The following RANBP2 variants were observed in gnomAD, a reference collection of about 807,000 sequenced individuals.
RANBP2 encodes the protein E3 SUMO-protein ligase RanBP2.
A neutral mutation model predicts 303.6 loss-of-function variants in RANBP2; 57 were observed. The ratio of observed to expected loss-of-function variants is 0.19; its 90% confidence interval spans 0.15 to 0.23. The LOEUF is 0.23. Among genes scored for constraint, RANBP2 ranks in the 10% least tolerant of loss-of-function variants. RANBP2 has a pLI of 1.00. For missense variants in RANBP2, 3,138 were observed against 3,780.8 expected, an observed-to-expected ratio of 0.83 and a Z score of 4.46; for synonymous variants, 1,167 against 1,301.5, an observed-to-expected ratio of 0.90 and a Z score of 2.23.
the RANBP2 span, among the ~76,000 whole-genome samples, chr2:109,517,189 T>C: frequency 0.087 from 12,914 of 148,928 alleles, 1,031 homozygotes; most frequent in East Asian, 0.24. Flanking sequence ...TACACAGAGG[T>C]CCCGCCCAGC....
chr2:109,163,212 G>A, the RANBP2 span, among the ~76,000 whole-genome samples: 1 of 152,138 alleles, frequency 6.6e-6, no homozygotes, highest in Non-Finnish European at 1.5e-5. Context: ...GGCAGCTTTG[G>A]CACAAGCCCA....
chr2:109,219,634 A>G, the RANBP2 span, among the ~76,000 whole-genome samples: 2 of 152,244 alleles, frequency 1.3e-5, no homozygotes, highest in African/African-American at 4.8e-5. Flanking sequence ...CTCACAGTTC[A>G]GTTGTATTTC....
intron 1 of RANBP2, among the ~76,000 whole-genome samples, chr2:108,728,498 C>T (rs542431651): frequency 6.6e-6 from 1 of 152,048 alleles, no homozygotes; most frequent in East Asian, 1.9e-4. Flanking sequence ...TTGTGTTGCA[C>T]AGGCTGGTTT....
chr2:109,096,451 G>T, the RANBP2 span, among the ~76,000 whole-genome samples: 3 of 152,182 alleles, frequency 2.0e-5, no homozygotes, highest in Admixed American at 6.5e-5. Context: ...GACTGTGGCT[G>T]CCCTAAAATG....
At chr2:109,465,542 C>G in the RANBP2 span, among the ~76,000 whole-genome samples, 2 of 152,198 alleles carry the variant, frequency 1.3e-5, no homozygotes, top group African/African-American at 2.4e-5. Flanking sequence ...GTAGTGGTCT[C>G]TCATTGTTAT....
the RANBP2 span, among the ~76,000 whole-genome samples, chr2:109,069,939 C>T: frequency 6.6e-6 from 1 of 152,302 alleles, no homozygotes; most frequent in Admixed American, 6.5e-5. Context: ...CAGGAATAAG[C>T]AGTGTACTTT....
chr2:109,259,604 G>A, the RANBP2 span, among the ~76,000 whole-genome samples: 1 of 152,228 alleles, frequency 6.6e-6, no homozygotes, highest in South Asian at 2.1e-4. Flanking sequence ...TGTTTGGGCG[G>A]CATGTTATTT....
At chr2:109,720,012 G>A in the RANBP2 span, among the ~76,000 whole-genome samples, 4 of 152,088 alleles carry the variant, frequency 2.6e-5, no homozygotes, top group East Asian at 1.9e-4. Context: ...ACTCGTGATC[G>A]GCTGCACCTG....
the RANBP2 span, among the ~76,000 whole-genome samples, chr2:109,116,476 C>T: frequency 6.6e-6 from 1 of 152,242 alleles, no homozygotes; most frequent in Non-Finnish European, 1.5e-5. Context: ...TGGCTTTCAG[C>T]TCCATCAGCT....
At chr2:109,162,196 A>G in the RANBP2 span, among the ~76,000 whole-genome samples, 1 of 152,152 alleles carries the variant, frequency 6.6e-6, no homozygotes, top group Non-Finnish European at 1.5e-5. Flanking sequence ...CATGGACCTT[A>G]CTTTATGTGT....
chr2:109,722,858 C>T, the RANBP2 span, among the ~76,000 whole-genome samples: 2,875 of 152,320 alleles, frequency 0.019, 36 homozygotes, highest in South Asian at 0.056. Flanking sequence ...ATATGTACCA[C>T]ATTTTCTATC....
the RANBP2 span, chr2:108,930,856 G>T: frequency 8.2e-7 from 1 of 1,223,458 alleles, no homozygotes; most frequent in Non-Finnish European, 1.2e-6. Context: ...ACCCTGTGGA[G>T]GAGGGACTAT....
chr2:108,723,323 A>G (rs1486299925), intron 1 of RANBP2, among the ~76,000 whole-genome samples: 12 of 147,202 alleles, frequency 8.2e-5, no homozygotes, highest in Non-Finnish European at 1.8e-4. Flanking sequence ...TCTATCGTCC[A>G]GGCTGGAGTG....
chr2:108,989,690 G>C, the RANBP2 span, among the ~76,000 whole-genome samples: 3 of 152,108 alleles, frequency 2.0e-5, no homozygotes, highest in African/African-American at 7.2e-5. Flanking sequence ...GTATACCCAT[G>C]TAACTTCAGA....
the RANBP2 span, among the ~76,000 whole-genome samples, chr2:109,685,155 G>C: frequency 6.6e-6 from 1 of 152,148 alleles, no homozygotes; most frequent in Admixed American, 6.5e-5. Flanking sequence ...TTACAGGCAT[G>C]AGCCACCGCG....
At chr2:109,090,310 T>TCACACACACA in the RANBP2 span, among the ~76,000 whole-genome samples, 1 of 109,692 alleles carries the variant, frequency 9.1e-6, no homozygotes, top group African/African-American at 3.8e-5. Context: ...ACACCTCGCC[T>TCACACACACA]CACACACACA....
At chr2:109,094,611 C>G in the RANBP2 span, among the ~76,000 whole-genome samples, 3 of 152,172 alleles carry the variant, frequency 2.0e-5, no homozygotes, top group East Asian at 5.8e-4. Context: ...GGGCAGATCA[C>G]TTGAGGTCAG....
the RANBP2 span, chr2:109,565,799 C>T: frequency 6.2e-7 from 1 of 1,613,956 alleles, no homozygotes; most frequent in African/African-American, 1.3e-5. Flanking sequence ...CGAGCTTTGA[C>T]CATCTTGTTT....
the RANBP2 span, among the ~76,000 whole-genome samples, chr2:109,112,606 T>C: frequency 6.6e-6 from 1 of 151,348 alleles, no homozygotes; most frequent in Non-Finnish European, 1.5e-5. Context: ...TGATGGTAGT[T>C]TCTTTTGCTG....
Sources: allele counts gnomAD v4.1 joint callset (sites outside exome capture counted in the v4.1 genomes callset), GRCh38; gene constraint gnomAD v4.1.1; transcripts MANE v1.5; gene names NCBI Gene and HGNC (gene_info 2026-07-23, HGNC 2026-07-21).